Variants in FMN2 observed in about 807,000 individuals in gnomAD.
FMN2 encodes the protein formin-2.
A neutral mutation model predicts 142.3 loss-of-function variants in FMN2; 51 were observed. That is an observed-to-expected ratio of 0.36 (90% CI 0.29 to 0.45). The LOEUF is 0.45. FMN2 is among the 20% of genes least tolerant of loss of function. The pLI is 1.00. For missense variants in FMN2, 1,936 were observed against 2,122.8 expected (o/e 0.91, Z 1.73); for synonymous variants, 882 against 869.8 (o/e 1.01, Z -0.25).
intron 1 of FMN2, among the ~76,000 whole-genome samples, chr1:240,119,789 AC>A (rs1345991218): frequency 6.6e-6 from 1 of 152,178 alleles, no homozygotes; most frequent in Non-Finnish European, 1.5e-5. Context: ...ATGTGCACGT[AC>A]ACATTTACCT....
intron 2 of FMN2, among the ~76,000 whole-genome samples, chr1:240,123,739 T>G (rs1455339999): frequency 6.6e-6 from 1 of 152,294 alleles, no homozygotes; most frequent in South Asian, 2.1e-4. Flanking sequence ...ATTGACGTGG[T>G]TGTGCATCCA....
chr1:240,232,600 G>C (rs1667565784), intron 6 of FMN2, among the ~76,000 whole-genome samples: 1 of 152,140 alleles, frequency 6.6e-6, no homozygotes, highest in Admixed American at 6.5e-5. Flanking sequence ...GATACAATTA[G>C]CATCTCATGT....
chr1:240,431,423 T>TATATATATATATATATATATATACAC (rs1491221486), intron 15 of FMN2, among the ~76,000 whole-genome samples: 5 of 130,952 alleles, frequency 3.8e-5, no homozygotes, highest in African/African-American at 1.4e-4. Context: ...TATATATATA[T>TATATATATATATATATATATATACAC]ACATATATAT....
intron 1 of FMN2, among the ~76,000 whole-genome samples, chr1:240,106,835 C>T (rs544164737): frequency 6.6e-6 from 1 of 151,764 alleles, no homozygotes; most frequent in Non-Finnish European, 1.5e-5. Context: ...AGGCGCCCAC[C>T]ACCACGCCCA....
At chr1:240,373,246 T>C (rs1222440971) in intron 14 of FMN2, among the ~76,000 whole-genome samples, 1 of 152,134 alleles carries the variant, frequency 6.6e-6, no homozygotes, top group Non-Finnish European at 1.5e-5. Context: ...TTTTTTCTGG[T>C]GGAGGGTCTT....
intron 3 of FMN2, among the ~76,000 whole-genome samples, chr1:240,187,284 A>C (rs1665512796): frequency 6.6e-6 from 1 of 151,234 alleles, no homozygotes; most frequent in African/African-American, 2.4e-5. Context: ...AAAAAAAAAA[A>C]AAAAAAAGAA....
At chr1:240,385,924 T>C (rs1673392963) in intron 14 of FMN2, among the ~76,000 whole-genome samples, 1 of 152,176 alleles carries the variant, frequency 6.6e-6, no homozygotes, top group African/African-American at 2.4e-5. Context: ...TAACCCTCAG[T>C]ATTAAATAAA....
chr1:240,418,059 T>C (rs2103136432), intron 15 of FMN2, among the ~76,000 whole-genome samples: 1 of 152,276 alleles, frequency 6.6e-6, no homozygotes, highest in Non-Finnish European at 1.5e-5. Flanking sequence ...ATTGTCCATC[T>C]ATTTATTTTT....
At chr1:240,303,115 T>A (rs1558421957) in intron 8 of FMN2, among the ~76,000 whole-genome samples, 1 of 152,170 alleles carries the variant, frequency 6.6e-6, no homozygotes, top group African/African-American at 2.4e-5. Context: ...ACTGAGCCTT[T>A]TGTACCCTGA....
chr1:240,139,896 C>T (rs888524480), intron 2 of FMN2, among the ~76,000 whole-genome samples: 2 of 152,108 alleles, frequency 1.3e-5, no homozygotes, highest in Non-Finnish European at 2.9e-5. Flanking sequence ...AAAGAGTAGG[C>T]TACAAAGTCA....
intron 14 of FMN2, among the ~76,000 whole-genome samples, chr1:240,365,186 TATAC>T (rs1213467274): frequency 3.5e-5 from 5 of 144,690 alleles, no homozygotes; most frequent in Non-Finnish European, 5.9e-5. Context: ...TGTGCATATA[TATAC>T]ATACATATGT....
chr1:240,228,316 AAAAAAAAAAAAAAAAAG>A (rs1184777105), intron 6 of FMN2, among the ~76,000 whole-genome samples: 16 of 103,614 alleles, frequency 1.5e-4, no homozygotes, highest in East Asian at 7.1e-4. Flanking sequence ...AAAAAAAAAA[AAAAAAAAAAAAAAAAAG>A]AAAAAGAAAA....
intron 5 of FMN2, among the ~76,000 whole-genome samples, chr1:240,209,419 T>C (rs1338722351): frequency 6.7e-6 from 1 of 150,180 alleles, no homozygotes; most frequent in Non-Finnish European, 1.5e-5. Context: ...CCCGGTTAAT[T>C]TTTTTTTGTA....
chr1:240,368,621 A>T (rs1429759188), intron 14 of FMN2, among the ~76,000 whole-genome samples: 1 of 152,100 alleles, frequency 6.6e-6, no homozygotes, highest in Non-Finnish European at 1.5e-5. Flanking sequence ...GAATAATGAC[A>T]GTTTTATGTA....
chr1:240,455,682 A>C (rs547433265), intron 16 of FMN2, among the ~76,000 whole-genome samples: 1 of 152,252 alleles, frequency 6.6e-6, no homozygotes, highest in East Asian at 1.9e-4. Context: ...TGTCTCTAAA[A>C]AAATAATAAT....
intron 15 of FMN2, among the ~76,000 whole-genome samples, chr1:240,421,173 G>T (rs561494433): frequency 6.6e-6 from 1 of 152,254 alleles, no homozygotes; most frequent in East Asian, 1.9e-4. Flanking sequence ...TGCAAATGAA[G>T]TGATTGGTTT....
Position 240,241,824 on chromosome 1 carries a change from G to GCTT in FMN2, c.4066-16120_4066-16118dup, listed in dbSNP as rs1667908167. ...CATTTTCTTTATTTTAGTGTGCCTT[G>GCTT]CTTTTTTTTTTTTTTTTTTTTTTTT... On this transcript the variant is annotated intron_variant, in intron 6 of 17. Transcript: ENST00000319653. Among the ~76,000 whole-genome samples the GCTT allele has an allele frequency of 2.2e-4, 13 of 59,486 alleles. No individual in the cohort carries two copies. In the South Asian group the frequency reaches 5.3e-3, roughly 24 times the overall value. 39.0% of individuals were successfully genotyped at this position (59,486 alleles called of 152,430 possible).
chr1:240,176,361 G>A (rs1285168926), intron 2 of FMN2, among the ~76,000 whole-genome samples: 1 of 152,182 alleles, frequency 6.6e-6, no homozygotes, highest in African/African-American at 2.4e-5. Context: ...GAGTCAGAGC[G>A]TGGCCAGCTT....
chr1:240,094,925 G>A (rs372731996), intron 1 of FMN2, among the ~76,000 whole-genome samples: 1 of 152,070 alleles, frequency 6.6e-6, no homozygotes, highest in African/African-American at 2.4e-5. Context: ...TTTCATCTGT[G>A]GGCCACCTTT....
Sources: allele counts gnomAD v4.1 joint callset (sites outside exome capture counted in the v4.1 genomes callset), GRCh38; gene constraint gnomAD v4.1.1; transcripts MANE v1.5; gene names NCBI Gene and HGNC (gene_info 2026-07-23, HGNC 2026-07-21).